Variants in PHF20 observed in about 807,000 individuals in gnomAD.
PHF20 encodes the protein glioma-expressed antigen 2.
PHF20 carries 23 observed loss-of-function variants against 113.5 expected under a neutral mutation model. The ratio of observed to expected loss-of-function variants is 0.20; its 90% confidence interval spans 0.15 to 0.29. The LOEUF (loss-of-function observed/expected upper bound fraction) is 0.29. PHF20 is among the 10% of genes least tolerant of loss of function. The probability of loss-of-function intolerance (pLI) is 1.00; values close to 1 mark genes in which losing one functional copy is unlikely to be tolerated. For missense variants in PHF20, 943 were observed against 1,219.6 expected (o/e 0.77, Z 3.38); for synonymous variants, 434 against 457.3 (o/e 0.95, Z 0.65).
At chr20:35,811,009 C>T (rs1394375975) in intron 2 of PHF20, among the ~76,000 whole-genome samples, 1 of 151,924 alleles carries the variant, frequency 6.6e-6, no homozygotes, top group East Asian at 1.9e-4. Flanking sequence ...ATTTTCAGTC[C>T]ATTGAAATGA....
rs1568668719 is a variant in PHF20 at position 35,862,997 on chromosome 20, A to G, written c.421-16A>G. On this transcript the variant is annotated splice_polypyrimidine_tract_variant and intron_variant, in intron 5 of 17. Transcript: ENST00000374012. ...AGTAATCACGAAGTGTTTCATCGCT[A>G]TTTTGCTCATTTTAGAATATTGTGG... 2 of 1,543,546 alleles carry G rather than the reference A, an allele frequency of 1.3e-6. No individual in the cohort carries two copies. Among genetic ancestry groups the G allele is most frequent in the East Asian group, 2.3e-5 (1 of 44,258 alleles).
intron 2 of PHF20, among the ~76,000 whole-genome samples, chr20:35,830,065 C>T (rs563187273): frequency 7.2e-5 from 11 of 152,234 alleles, no homozygotes; most frequent in South Asian, 2.1e-4. Context: ...AGGCGCATGC[C>T]GCCATGCCTG....
intron 10 of PHF20, among the ~76,000 whole-genome samples, chr20:35,904,277 A>ATT (rs34412788): frequency 0.053 from 5,279 of 98,776 alleles, 291 homozygotes; most frequent in African/African-American, 0.1. Context: ...GAATGCTCTG[A>ATT]TTTTTTTTTT....
chr20:35,916,382 T>C (rs2055403771), intron 12 of PHF20, among the ~76,000 whole-genome samples: 1 of 152,248 alleles, frequency 6.6e-6, no homozygotes, highest in South Asian at 2.1e-4. Flanking sequence ...GCTGTGATTA[T>C]AACTAATCAG....
chr20:35,847,623 A>G (rs1178413205), intron 4 of PHF20, among the ~76,000 whole-genome samples, 189 bp downstream of exon 4: 2 of 152,186 alleles, frequency 1.3e-5, no homozygotes, highest in Admixed American at 6.6e-5. Flanking sequence ...GACAAAAAAG[A>G]TAGTTTGACT....
intron 7 of PHF20, among the ~76,000 whole-genome samples, chr20:35,870,303 C>CAAAA (rs1174014648): frequency 9.4e-5 from 5 of 53,212 alleles, no homozygotes; most frequent in African/African-American, 1.2e-4. Flanking sequence ...GACTCCGTCT[C>CAAAA]AAAAAAAAAA....
chr20:35,814,460 G>A (rs1192276251), intron 2 of PHF20, among the ~76,000 whole-genome samples: 1 of 151,502 alleles, frequency 6.6e-6, no homozygotes, highest in African/African-American at 2.4e-5. Context: ...CAAGTGATCC[G>A]CCTGCCTTGG....
chr20:35,906,958 A>T (rs2055211494), intron 10 of PHF20, among the ~76,000 whole-genome samples: 1 of 151,982 alleles, frequency 6.6e-6, no homozygotes, highest in African/African-American at 2.4e-5. Flanking sequence ...GGGAAGGTAG[A>T]CATGGTGAAA....
At chr20:35,772,988 C>T (rs1349667841) in intron 1 of PHF20, among the ~76,000 whole-genome samples, 1 of 152,180 alleles carries the variant, frequency 6.6e-6, no homozygotes, top group Non-Finnish European at 1.5e-5. Flanking sequence ...TTTATGGGTA[C>T]TTATTTCCAG....
chr20:35,825,668 G>A (rs767392270), intron 2 of PHF20, among the ~76,000 whole-genome samples: 7 of 152,250 alleles, frequency 4.6e-5, no homozygotes, highest in South Asian at 2.1e-4. Flanking sequence ...TTTAGAGAGA[G>A]GGTCTTGCTT....
intron 1 of PHF20, among the ~76,000 whole-genome samples, chr20:35,784,562 A>G (rs2041371294): frequency 6.7e-6 from 1 of 148,294 alleles, no homozygotes; most frequent in Non-Finnish European, 1.5e-5. Flanking sequence ...TCAGCCTGCC[A>G]AGTAGCTGGG....
chr20:35,917,761 A>G, intron 13 of PHF20, 99 bp downstream of exon 13: 1 of 1,015,552 alleles, frequency 9.8e-7, no homozygotes, highest in Non-Finnish European at 1.5e-6. Context: ...GCAGAGCCCC[A>G]GAAACACAGC....
chr20:35,880,100 G>A (rs909136334), intron 9 of PHF20, among the ~76,000 whole-genome samples: 3 of 152,204 alleles, frequency 2.0e-5, no homozygotes, highest in Non-Finnish European at 4.4e-5. Flanking sequence ...TGTTGCGTAT[G>A]CAAAGATGAG....
At chr20:35,821,664 A>C (rs1168533263) in intron 2 of PHF20, among the ~76,000 whole-genome samples, 1 of 152,090 alleles carries the variant, frequency 6.6e-6, no homozygotes, top group Non-Finnish European at 1.5e-5. Context: ...GTCTCAAAAA[A>C]ATAAAGTTGC....
At chr20:35,806,619 C>T (rs2425151) in intron 2 of PHF20, among the ~76,000 whole-genome samples, 38,797 of 151,922 alleles carry the variant, frequency 0.26, 5,790 homozygotes, top group African/African-American at 0.42. Context: ...CTTGTATGTA[C>T]TAAGCCTCAT....
At chr20:35,854,151 T>C (rs2042788402) in intron 4 of PHF20, among the ~76,000 whole-genome samples, 1 of 152,216 alleles carries the variant, frequency 6.6e-6, no homozygotes, top group African/African-American at 2.4e-5. Context: ...AAATCACCCA[T>C]GTATTATCCC....
intron 17 of PHF20, among the ~76,000 whole-genome samples, chr20:35,941,841 G>T (rs1255566735): frequency 6.6e-6 from 1 of 152,204 alleles, no homozygotes; most frequent in Non-Finnish European, 1.5e-5. Flanking sequence ...TGTGGCTGAT[G>T]TCAATGCAGA....
chr20:35,878,498 G>A (rs553152984), intron 9 of PHF20: 2 of 588,852 alleles, frequency 3.4e-6, no homozygotes, highest in African/African-American at 1.9e-5. Flanking sequence ...TTCATATGAT[G>A]AAGATCAGGG....
chr20:35,900,098 A>G (rs1204560345), intron 10 of PHF20, among the ~76,000 whole-genome samples: 1 of 152,234 alleles, frequency 6.6e-6, no homozygotes, highest in East Asian at 1.9e-4. Context: ...CTTAAGTGCA[A>G]CTGAAGATAT....
Sources: allele counts gnomAD v4.1 joint callset (sites outside exome capture counted in the v4.1 genomes callset), GRCh38; gene constraint gnomAD v4.1.1; transcripts MANE v1.5; gene names NCBI Gene and HGNC (gene_info 2026-07-23, HGNC 2026-07-21).